TMEM192: variants seen among roughly 807,000 people sequenced by gnomAD.
TMEM192 encodes transmembrane protein 192.
In TMEM192, 20 loss-of-function variants were observed where a neutral mutation model predicts 26.7. The ratio of observed to expected loss-of-function variants is 0.75; its 90% CI spans 0.53 to 1.09. TMEM192 has a LOEUF of 1.09. Ranked by LOEUF, TMEM192 falls within the 50% of genes least tolerant of loss-of-function variation. The pLI, the probability that TMEM192 is intolerant of heterozygous loss-of-function variation, is 0.00. For synonymous variants in TMEM192, 124 were observed against 121.0 expected (o/e 1.02, Z -0.16); for missense variants, 304 against 322.6 (o/e 0.94, Z 0.44).
chr4:165,099,316 CCTCA>C (rs1205143623), intron 3 of TMEM192, among the ~76,000 whole-genome samples: 1 of 151,450 alleles, frequency 6.6e-6, no homozygotes, highest in African/African-American at 2.4e-5. Context: ...AAACTCCTGA[CCTCA>C]AGGGATCTGC....
At position 165,074,445 on chromosome 4, in the gene TMEM192, T is replaced by G. The variant is rs556046148; in HGVS notation, c.*5213A>C. On this transcript the variant is annotated 3_prime_UTR_variant, in exon 6 of 6. Transcript: ENST00000306480. ...GTGAGTTTTGTATTCAAGATTTATT[T>G]ATTTATTTATTTATTTATTGAGACA... 6.6e-6 allele frequency: 1 copy of G among 152,198 alleles called. No individual in the cohort carries two copies. Among genetic ancestry groups the G allele is most frequent in the South Asian group, 2.1e-4 (1 of 4,816 alleles). 9.4% of individuals were successfully genotyped at this position (152,198 alleles called of 1,614,324 possible).
chr4:165,079,309 C>G lies in TMEM192; in HGVS notation c.*349G>C, dbSNP rs1404405751. ...AAAATCGATTGTCTTGTTAGACTTC[C>G]CCTATCCATAATGAAATCATTACAG... On this transcript the variant is annotated 3_prime_UTR_variant, in exon 6 of 6. Transcript: ENST00000306480. The G allele has an allele frequency of 4.7e-5, 9 of 193,056 alleles. No homozygotes were observed. The highest frequency in any genetic ancestry group is 8.4e-5 in the Non-Finnish European group (8 of 95,498). 12.0% of individuals were successfully genotyped at this position (193,056 alleles called of 1,614,324 possible).
intron 3 of TMEM192, among the ~76,000 whole-genome samples, chr4:165,097,350 C>T (rs974990192): frequency 6.6e-6 from 1 of 151,934 alleles, no homozygotes; most frequent in African/African-American, 2.4e-5. Context: ...AAAAATTAGC[C>T]AGGCGTGGTG....
At chr4:165,097,938 A>G (rs1734950917) in intron 3 of TMEM192, among the ~76,000 whole-genome samples, 2 of 151,792 alleles carry the variant, frequency 1.3e-5, no homozygotes, top group African/African-American at 4.8e-5. Flanking sequence ...AGCGATTCTC[A>G]GCCTCCTGAG....
At position 165,070,721 on chromosome 4, in the gene TMEM192, C is replaced by T. The variant is rs1260494325; in HGVS notation, c.*8937G>A. On this transcript the variant is annotated 3_prime_UTR_variant, in exon 6 of 6. Coordinates refer to ENST00000306480, the MANE Select transcript of TMEM192 (RefSeq NM_001100389.2). ...ATCTCTCAGTTCAGGACATCATAAA[C>T]AGAAAGTGAAAACAGAGCCCAGGTT... The T allele has an allele frequency of 6.6e-6, 1 of 152,142 alleles. No homozygotes were observed. The highest frequency in any genetic ancestry group is 2.4e-5 in the African/African-American group (1 of 41,440). 9.4% of individuals were successfully genotyped at this position (152,142 alleles called of 1,614,324 possible).
chr4:165,094,845 A>ATG (rs1734856825), intron 3 of TMEM192, among the ~76,000 whole-genome samples: 1 of 151,650 alleles, frequency 6.6e-6, no homozygotes, highest in East Asian at 1.9e-4. Context: ...ATGGTAGCGC[A>ATG]CACCTGTAAT....
chr4:165,099,766 G>A (rs1173046965), intron 3 of TMEM192, among the ~76,000 whole-genome samples: 1 of 152,092 alleles, frequency 6.6e-6, no homozygotes, highest in Non-Finnish European at 1.5e-5. Context: ...GCAACATGGT[G>A]AGAACCTGCT....
chr4:165,085,676 C>A lies in TMEM192; in HGVS notation c.587G>T (p.Arg196Ile), dbSNP rs749836115. 1 of 1,602,190 alleles carries A rather than the reference C, an allele frequency of 6.2e-7. No individual in the cohort carries two copies. The highest frequency in any genetic ancestry group is 8.5e-7 in the Non-Finnish European group (1 of 1,174,858). The change falls in exon 5 of 6, where the codon AGA becomes ATA. Residue 196 changes from arginine (R) to isoleucine (I), a missense_variant. Arg to Ile is a moderately conservative substitution (Grantham distance 97). Coordinates refer to ENST00000306480, the MANE Select transcript of TMEM192 (RefSeq NM_001100389.2). ...CLLIYTVKIR[R>I]FNKAKPEPDI... ...AGGCTCTGGTTTAGCTTTATTAAAT[C>A]TCCGGATTTTCACTAAAATAATAAA... is the stretch of plus-strand genomic sequence containing the variant.
At chr4:165,099,269 T>C (rs1476770238) in intron 3 of TMEM192, among the ~76,000 whole-genome samples, 3 of 149,624 alleles carry the variant, frequency 2.0e-5, no homozygotes, top group African/African-American at 4.9e-5. Context: ...GTGTTTTTAG[T>C]AGAGAGGGGT....
chr4:165,072,672 A>C lies in TMEM192; in HGVS notation c.*6986T>G, dbSNP rs1041626760. 6.6e-6 allele frequency: 1 copy of C among 152,302 alleles called. No individual in the cohort carries two copies. The highest frequency in any genetic ancestry group is 2.4e-5 in the African/African-American group (1 of 41,440). 9.4% of individuals were successfully genotyped at this position (152,302 alleles called of 1,614,324 possible). ...GCCAAGAATTGGTTGGACTCTGGGT[A>C]TGTTTTAAAGGAAAAGCCAGCAGGA... On this transcript the variant is annotated 3_prime_UTR_variant, in exon 6 of 6. Coordinates refer to ENST00000306480, the MANE Select transcript of TMEM192 (RefSeq NM_001100389.2).
rs185167241 is a variant in TMEM192, at chr4:165,074,220, C to T, written c.*5438G>A. The T allele has an allele frequency of 6.6e-6, 1 of 152,006 alleles. No homozygotes were observed. The highest frequency in any genetic ancestry group is 1.5e-5 in the Non-Finnish European group (1 of 68,008). The allele number at this position is 152,006 out of a possible 1,614,324, so 9.4% of individuals were successfully genotyped here. On this transcript the variant is annotated 3_prime_UTR_variant, in exon 6 of 6. Coordinates refer to ENST00000306480, the MANE Select transcript of TMEM192 (RefSeq NM_001100389.2). The stretch of plus-strand genomic sequence containing the variant: ...TGGAAGGAAGCTATTGGTGACCTTG[C>T]CAAGAACAGTTTCAGTAGAGTAGTA...
chr4:165,108,112 CTTTTTTTTT>C (rs755013001), intron 1 of TMEM192, among the ~76,000 whole-genome samples: 3 of 91,198 alleles, frequency 3.3e-5, no homozygotes, highest in African/African-American at 5.2e-5. Context: ...TCTGTATTCC[CTTTTTTTTT>C]TTTTTTTTTT....
chr4:165,084,090 G>C (rs1284651253), intron 5 of TMEM192, among the ~76,000 whole-genome samples: 1 of 151,994 alleles, frequency 6.6e-6, no homozygotes, highest in Non-Finnish European at 1.5e-5. Flanking sequence ...AAAAGTGCTA[G>C]GATTACAGGC....
chr4:165,111,283 G>A (rs951890906), intron 1 of TMEM192, among the ~76,000 whole-genome samples: 2 of 152,010 alleles, frequency 1.3e-5, no homozygotes, highest in African/African-American at 2.4e-5. Flanking sequence ...TAGTGGAGAC[G>A]GGGTTTTGCC....
chr4:165,104,761 C>T (rs1735126246), intron 1 of TMEM192, among the ~76,000 whole-genome samples: 1 of 152,136 alleles, frequency 6.6e-6, no homozygotes, highest in Non-Finnish European at 1.5e-5. Flanking sequence ...AAACTCCCAA[C>T]CCCAGGTGAT....
chr4:165,105,759 G>T (rs969132539), intron 1 of TMEM192, among the ~76,000 whole-genome samples: 1 of 152,198 alleles, frequency 6.6e-6, no homozygotes, highest in African/African-American at 2.4e-5. Context: ...CTCCCAGTGT[G>T]CTAGGATTAC....
chr4:165,094,960 G>A (rs1024417767), intron 3 of TMEM192, among the ~76,000 whole-genome samples: 1 of 144,866 alleles, frequency 6.9e-6, no homozygotes, highest in South Asian at 2.4e-4. Flanking sequence ...GGCAACAAGA[G>A]TGAAACTCAG....
Position 165,071,756 on chromosome 4 carries a change from A to C in TMEM192, c.*7902T>G, listed in dbSNP as rs1295101750. On this transcript the variant is annotated 3_prime_UTR_variant, in exon 6 of 6. Transcript: ENST00000306480. The stretch of plus-strand genomic sequence containing the variant: ...ACACAAAGGAAGAGTAGGAGAGAGG[A>C]GGTGGGGTGGGGTGGGAAGTGGAGA... The C allele has an allele frequency of 6.6e-6, 1 of 152,100 alleles. No individual in the cohort carries two copies. The highest frequency in any genetic ancestry group is 1.9e-4 in the East Asian group (1 of 5,180). The allele number at this position is 152,100 out of a possible 1,614,324, so 9.4% of individuals were successfully genotyped here. A position where few individuals can be genotyped will look rare whatever the true frequency, so the allele number is the denominator to read the frequency against.
Position 165,112,500 on chromosome 4 carries a change from C to A in TMEM192, c.27+247G>T, listed in dbSNP as rs1482036711. ...GGACCCCCGGGGGCCGCGCGCCCACCGCCCAGGAGCCCACCCCAGCCTCCA... is the reference window on the plus strand; with the variant it reads ...GGACCCCCGGGGGCCGCGCGCCCACAGCCCAGGAGCCCACCCCAGCCTCCA... On this transcript the variant is annotated intron_variant, in intron 1 of 5. Transcript: ENST00000306480. Among the ~76,000 whole-genome samples the A allele has an allele frequency of 2.0e-5, 3 of 152,178 alleles. No individual in the cohort carries two copies. In the East Asian group the frequency reaches 5.8e-4, roughly 29 times the overall value.
Sources: gnomAD v4.1 joint callset for allele counts (sites outside exome capture counted in the v4.1 genomes callset) on GRCh38, gnomAD v4.1.1 for gene constraint, MANE v1.5 for transcripts, NCBI Gene and HGNC (gene_info 2026-07-23, HGNC 2026-07-21) for gene names.